Variants in CSMD1 observed in about 807,000 individuals in gnomAD.
CSMD1 encodes the protein CUB and sushi domain-containing protein 1.
Under a neutral mutation model 417.5 loss-of-function variants are expected in CSMD1, and 213 were observed. The observed-to-expected ratio is 0.51, with a 90% CI of 0.46 to 0.57. The LOEUF is 0.57. Among genes scored for constraint, CSMD1 ranks in the 20% least tolerant of loss-of-function variants. The probability of loss-of-function intolerance (pLI) is 0.00; values close to 1 mark genes in which losing one functional copy is unlikely to be tolerated. For missense variants in CSMD1, 6,923 were observed against 4,529.7 expected, an observed-to-expected ratio of 1.53 and a Z score of -15.17; for synonymous variants, 2,862 against 1,736.8, an observed-to-expected ratio of 1.65 and a Z score of -16.11.
chr8:3,264,286 A>T (rs1326972292), intron 26 of CSMD1, among the ~76,000 whole-genome samples: 2 of 152,188 alleles, frequency 1.3e-5, no homozygotes, highest in Non-Finnish European at 2.9e-5. Flanking sequence ...GAATTTCATT[A>T]TGTTATGGAA....
intron 3 of CSMD1, among the ~76,000 whole-genome samples, chr8:4,313,901 C>G (rs1169283111): frequency 6.6e-6 from 1 of 152,018 alleles, no homozygotes; most frequent in Non-Finnish European, 1.5e-5. Flanking sequence ...GTAATCCCAG[C>G]TACTTGGGAG....
intron 6 of CSMD1, among the ~76,000 whole-genome samples, chr8:3,711,496 C>T (rs750396367): frequency 2.6e-5 from 4 of 152,214 alleles, no homozygotes. Flanking sequence ...ACGTCCTGCA[C>T]TACGGAACTC....
At chr8:3,883,905 AAT>A (rs1243772366) in intron 5 of CSMD1, among the ~76,000 whole-genome samples, 2 of 152,112 alleles carry the variant, frequency 1.3e-5, no homozygotes, top group Non-Finnish European at 2.9e-5. Flanking sequence ...ATATAAATTA[AAT>A]ATATGTTAAA....
chr8:4,169,589 T>C (rs1226259904), intron 3 of CSMD1, among the ~76,000 whole-genome samples: 1 of 152,104 alleles, frequency 6.6e-6, no homozygotes, highest in East Asian at 1.9e-4. Context: ...ACACAGGCAT[T>C]AGAAGAATCT....
intron 1 of CSMD1, among the ~76,000 whole-genome samples, chr8:4,785,021 C>A (rs994761866): frequency 2.0e-5 from 3 of 152,174 alleles, no homozygotes; most frequent in African/African-American, 4.8e-5. Flanking sequence ...ATTCTGAAAT[C>A]AGTTCTGGGC....
intron 5 of CSMD1, among the ~76,000 whole-genome samples, chr8:3,870,721 C>A (rs112511013): frequency 1.0e-3 from 158 of 152,120 alleles, no homozygotes; most frequent in African/African-American, 3.7e-3. Flanking sequence ...TATATATTCT[C>A]CTCTGTTAAT....
intron 2 of CSMD1, among the ~76,000 whole-genome samples, chr8:4,478,470 T>G (rs1402349510): frequency 6.6e-6 from 1 of 152,124 alleles, no homozygotes; most frequent in Admixed American, 6.5e-5. Flanking sequence ...ATCAATAGTT[T>G]CTTCATTAGC....
intron 2 of CSMD1, among the ~76,000 whole-genome samples, chr8:4,599,665 C>A (rs1176705071): frequency 2.0e-5 from 3 of 152,170 alleles, no homozygotes; most frequent in African/African-American, 7.2e-5. Flanking sequence ...GTAGGAATGA[C>A]ATGCAAACTA....
intron 17 of CSMD1, among the ~76,000 whole-genome samples, chr8:3,392,638 G>A (rs1024071009): frequency 4.6e-5 from 7 of 151,926 alleles, no homozygotes; most frequent in East Asian, 1.9e-4. Flanking sequence ...GAATCACCTC[G>A]AGGACTTGAT....
At chr8:2,971,597 C>T (rs1184713272) in intron 57 of CSMD1, among the ~76,000 whole-genome samples, 1 of 152,074 alleles carries the variant, frequency 6.6e-6, no homozygotes, top group East Asian at 1.9e-4. Context: ...AATGGTTTAT[C>T]CCATAGGATT....
chr8:3,174,972 A>C (rs1820813773), intron 37 of CSMD1, among the ~76,000 whole-genome samples: 1 of 152,188 alleles, frequency 6.6e-6, no homozygotes, highest in African/African-American at 2.4e-5. Context: ...TATATAGCTA[A>C]CTACCAATTA....
intron 1 of CSMD1, among the ~76,000 whole-genome samples, chr8:4,841,437 C>G (rs1300470315): frequency 6.6e-6 from 1 of 152,136 alleles, no homozygotes; most frequent in Non-Finnish European, 1.5e-5. Context: ...ATCCCTACCA[C>G]ATGTTATGTG....
intron 31 of CSMD1, among the ~76,000 whole-genome samples, chr8:3,204,502 A>G (rs1797145018): frequency 6.6e-6 from 1 of 152,164 alleles, no homozygotes; most frequent in Non-Finnish European, 1.5e-5. Context: ...TCCAGAACCC[A>G]TTTTAAGTAT....
At chr8:3,622,526 T>A (rs1294362557) in intron 7 of CSMD1, among the ~76,000 whole-genome samples, 1 of 152,214 alleles carries the variant, frequency 6.6e-6, no homozygotes, top group Non-Finnish European at 1.5e-5. Context: ...GCAAAAACAC[T>A]CTGGATCTTT....
At chr8:4,766,281 C>T (rs566742310) in intron 1 of CSMD1, among the ~76,000 whole-genome samples, 2 of 152,140 alleles carry the variant, frequency 1.3e-5, no homozygotes, top group South Asian at 4.1e-4. Flanking sequence ...ACTATCTTAC[C>T]TGCTAGTTAC....
At chr8:3,142,777 C>G in intron 40 of CSMD1, 103 bp from the exon 41 acceptor site, 1 of 984,236 alleles carries the variant, frequency 1.0e-6, no homozygotes, top group South Asian at 1.4e-5. Flanking sequence ...CAGACAATCC[C>G]TCTCTGTGAG....
chr8:4,165,289 G>T (rs2407308), intron 3 of CSMD1, among the ~76,000 whole-genome samples: 3 of 152,074 alleles, frequency 2.0e-5, no homozygotes, highest in Admixed American at 2.0e-4. Context: ...TGATCCACTC[G>T]GTTAAGTTCT....
chr8:3,457,931 G>C (rs578045023), intron 12 of CSMD1, among the ~76,000 whole-genome samples: 3 of 152,284 alleles, frequency 2.0e-5, no homozygotes, highest in Admixed American at 6.5e-5. Context: ...GAAAAAAATA[G>C]GAAGCTCATT....
At chr8:3,305,662 ACTT>A (rs1804778252) in intron 25 of CSMD1, among the ~76,000 whole-genome samples, 2 of 151,990 alleles carry the variant, frequency 1.3e-5, no homozygotes, top group Admixed American at 6.6e-5. Context: ...AAGAAACTAA[ACTT>A]CTTAACTTAC....
Sources: gnomAD v4.1 joint callset for allele counts (sites outside exome capture counted in the v4.1 genomes callset) on GRCh38, gnomAD v4.1.1 for gene constraint, MANE v1.5 for transcripts, NCBI Gene and HGNC (gene_info 2026-07-23, HGNC 2026-07-21) for gene names.